TMEM232: variants seen among roughly 807,000 people sequenced by gnomAD.
TMEM232 encodes the protein transmembrane protein 232.
TMEM232 carries 80 observed loss-of-function variants against 78.8 expected under a neutral mutation model. The observed-to-expected ratio is 1.01, with a 90% CI of 0.85 to 1.22. The LOEUF is 1.22. Among genes scored for constraint, TMEM232 ranks in the 50% most tolerant of loss-of-function variants. The pLI is 0.00. For missense variants in TMEM232, 881 were observed against 742.2 expected (o/e 1.19, Z -2.17); for synonymous variants, 297 against 254.3 (o/e 1.17, Z -1.60).
chr5:110,600,411 G>A (rs534297626), intron 10 of TMEM232, among the ~76,000 whole-genome samples: 60 of 152,070 alleles, frequency 3.9e-4, no homozygotes, highest in Non-Finnish European at 5.7e-4. Context: ...TAGATAGAAC[G>A]CTAGCCAGAC....
chr5:110,418,740 C>A (rs1756376113), downstream of TMEM232, among the ~76,000 whole-genome samples: 1 of 151,994 alleles, frequency 6.6e-6, no homozygotes, highest in African/African-American at 2.4e-5. Context: ...CAAACATAAA[C>A]CTAAGTCTGC....
At chr5:110,603,746 A>G (rs1003920262) in intron 10 of TMEM232, among the ~76,000 whole-genome samples, 20 of 152,174 alleles carry the variant, frequency 1.3e-4, no homozygotes, top group Admixed American at 7.2e-4. Context: ...ATTGGCACCA[A>G]TAAAAAAATA....
intron 2 of TMEM232, among the ~76,000 whole-genome samples, chr5:110,666,320 G>A (rs1002037160): frequency 1.3e-5 from 2 of 151,882 alleles, no homozygotes; most frequent in Non-Finnish European, 2.9e-5. Flanking sequence ...TACATAATTT[G>A]TTTCAATTTT....
At chr5:110,524,411 GAAAGA>G (rs202226775) in intron 12 of TMEM232, among the ~76,000 whole-genome samples, 7,147 of 60,830 alleles carry the variant, frequency 0.12, 403 homozygotes, top group East Asian at 0.29. Flanking sequence ...AAGAAAGAAA[GAAAGA>G]AAAGAAAAGA....
At chr5:110,643,139 A>G (rs1325962115) in intron 2 of TMEM232, among the ~76,000 whole-genome samples, 4 of 152,196 alleles carry the variant, frequency 2.6e-5, no homozygotes, top group African/African-American at 9.6e-5. Context: ...CATGAGAGAA[A>G]GAAAGAAGTC....
chr5:110,428,750 T>C (rs1757514691), intron 12 of TMEM232, among the ~76,000 whole-genome samples: 1 of 151,764 alleles, frequency 6.6e-6, no homozygotes, highest in Non-Finnish European at 1.5e-5. Context: ...GTACAACTTT[T>C]CTTTGACACA....
At chr5:110,470,952 T>C (rs1762604884) in intron 12 of TMEM232, among the ~76,000 whole-genome samples, 1 of 151,962 alleles carries the variant, frequency 6.6e-6, no homozygotes, top group South Asian at 2.1e-4. Context: ...TTAAGGAAAC[T>C]CAGTGAGATA....
intron 5 of TMEM232, among the ~76,000 whole-genome samples, chr5:110,633,711 C>T (rs566361346): frequency 8.5e-5 from 13 of 152,188 alleles, no homozygotes; most frequent in South Asian, 2.1e-4. Flanking sequence ...CTCCCAGCCA[C>T]GCAGAACTGT....
Position 110,420,577 on chromosome 5 carries a change from TAATTA to T in TMEM232, c.1972_*2del. ...TTTTGGGAGGTGACATTTTCTTTTC[TAATTA>T]AATTACTTCCTTCCTATAAGGAAGT... On this transcript the variant is annotated stop_lost and 3_prime_UTR_variant, in exon 14 of 14. Coordinates refer to ENST00000455884, the MANE Select transcript of TMEM232 (RefSeq NM_001039763.4). The T allele has an allele frequency of 6.9e-7, 1 of 1,451,140 alleles. No homozygotes were observed. Among genetic ancestry groups the T allele is most frequent in the Non-Finnish European group, 9.0e-7 (1 of 1,116,192 alleles). 89.9% of individuals were successfully genotyped at this position (1,451,140 alleles called of 1,614,324 possible).
intron 8 of TMEM232, among the ~76,000 whole-genome samples, chr5:110,607,064 A>T (rs1014272847): frequency 6.6e-6 from 1 of 152,150 alleles, no homozygotes; most frequent in Non-Finnish European, 1.5e-5. Flanking sequence ...GTGATATTTC[A>T]GGCCCATAAG....
chr5:110,523,804 T>A (rs185166254), intron 12 of TMEM232, among the ~76,000 whole-genome samples: 2 of 151,660 alleles, frequency 1.3e-5, no homozygotes, highest in African/African-American at 2.4e-5. Context: ...ATAAATTTTT[T>A]AAAAAACCTA....
intron 8 of TMEM232, among the ~76,000 whole-genome samples, chr5:110,614,718 T>C (rs891272268): frequency 2.0e-5 from 3 of 152,002 alleles, no homozygotes; most frequent in Non-Finnish European, 4.4e-5. Context: ...CAATTTCAGT[T>C]ATGTTCTAAA....
chr5:110,520,736 T>C (rs536599531), intron 12 of TMEM232, among the ~76,000 whole-genome samples: 60 of 152,016 alleles, frequency 3.9e-4, no homozygotes, highest in Non-Finnish European at 7.5e-4. Flanking sequence ...TTGACCAACA[T>C]GGAGAAACCC....
At chr5:110,722,332 C>T (rs1208833107) in intron 1 of TMEM232, among the ~76,000 whole-genome samples, 1 of 152,170 alleles carries the variant, frequency 6.6e-6, no homozygotes, top group Non-Finnish European at 1.5e-5. Flanking sequence ...CTGGGTATAA[C>T]TGGCTCATGG....
At chr5:110,585,849 C>T (rs955845416) in intron 10 of TMEM232, among the ~76,000 whole-genome samples, 1 of 152,030 alleles carries the variant, frequency 6.6e-6, no homozygotes, top group Non-Finnish European at 1.5e-5. Flanking sequence ...CCCTTCTCAC[C>T]CTTACCTTGA....
chr5:110,464,281 T>C (rs1374107208), intron 12 of TMEM232, among the ~76,000 whole-genome samples: 2 of 152,066 alleles, frequency 1.3e-5, no homozygotes, highest in Non-Finnish European at 2.9e-5. Context: ...GAGTGAAAAA[T>C]GAACAAAAGC....
intron 1 of TMEM232, among the ~76,000 whole-genome samples, chr5:110,708,094 G>A (rs1249519178): frequency 6.6e-6 from 1 of 152,112 alleles, no homozygotes; most frequent in Non-Finnish European, 1.5e-5. Context: ...TGCAGTTATG[G>A]TGGCTACAGT....
At chr5:110,657,308 T>C (rs1324872066) in intron 2 of TMEM232, among the ~76,000 whole-genome samples, 2 of 152,164 alleles carry the variant, frequency 1.3e-5, no homozygotes, top group Non-Finnish European at 2.9e-5. Context: ...TCCATGTTTA[T>C]TGTAGCACTA....
chr5:110,600,266 A>T (rs952351551), intron 10 of TMEM232, among the ~76,000 whole-genome samples: 1 of 152,194 alleles, frequency 6.6e-6, no homozygotes, highest in Non-Finnish European at 1.5e-5. Context: ...GAGAAGCAAG[A>T]ATAAATAAAT....
Sources: gnomAD v4.1 joint callset for allele counts (sites outside exome capture counted in the v4.1 genomes callset) on GRCh38, gnomAD v4.1.1 for gene constraint, MANE v1.5 for transcripts, NCBI Gene and HGNC (gene_info 2026-07-23, HGNC 2026-07-21) for gene names.